Variants in CCDC82 observed in about 807,000 individuals in gnomAD.
CCDC82 encodes the protein coiled-coil domain containing 82, also known as coiled-coil domain-containing protein 82.
Under a neutral mutation model 60.6 loss-of-function variants are expected in CCDC82, and 47 were observed. The observed-to-expected ratio is 0.77, with a 90% CI of 0.61 to 0.99. The LOEUF (loss-of-function observed/expected upper bound fraction) is 0.99. CCDC82 is among the 50% of genes least tolerant of loss of function. The pLI is 0.00. For synonymous variants in CCDC82, 212 were observed against 207.4 expected, an observed-to-expected ratio of 1.02 and a Z score of -0.19; for missense variants, 588 against 633.0, an observed-to-expected ratio of 0.93 and a Z score of 0.76.
rs546523474 is a variant in CCDC82, at chr11:96,384,640, T to C, written c.108A>G (p.Gln36=). The C allele has an allele frequency of 7.4e-5, 120 of 1,613,664 alleles. No individual in the cohort carries two copies. The Middle Eastern group carries it at 1.2e-3, about 16-fold the overall frequency. ...CAAGCTCTTCATCACTATCAAGTAA[T>C]TGTGAGATACTACTTCTTTTAGTTC... ...WRRTKRSSIS[Q]LLDSDEELDS... Residue 36 remains glutamine (Q), a synonymous_variant, in exon 4 of 10, where the codon CAA becomes CAG. Coordinates refer to ENST00000646818, the MANE Select transcript of CCDC82 (RefSeq NM_024725.4).
At chr11:96,367,822 T>TTC (rs1219652066) in intron 7 of CCDC82, among the ~76,000 whole-genome samples, 1 of 143,028 alleles carries the variant, frequency 7.0e-6, no homozygotes, top group Non-Finnish European at 1.5e-5. Context: ...ATGTATTTCT[T>TTC]TTTTTTTTTT....
chr11:96,370,926 T>C lies in CCDC82; in HGVS notation c.1209+87A>G, dbSNP rs565659149. The C allele has an allele frequency of 1.7e-5, 19 of 1,149,046 alleles. No homozygotes were observed. The African/African-American group carries it at 2.5e-4, about 15-fold the overall frequency. The allele number at this position is 1,149,046 out of a possible 1,614,324, so 71.2% of individuals were successfully genotyped here. A position where few individuals can be genotyped will look rare whatever the true frequency, so the allele number is the denominator to read the frequency against. On this transcript the variant is annotated intron_variant, in intron 7 of 9. Transcript: ENST00000646818. ...ATTTAACAAAGACATGCCAATATTT[T>C]AGAAGATTATTCAGTCTGGATTTTA...
Position 96,356,837 on chromosome 11 carries a change from TC to T in CCDC82, c.1566+2155del, listed in dbSNP as rs779947614. The T allele has an allele frequency of 6.7e-5, 66 of 985,268 alleles. No homozygotes were observed. The Middle Eastern group carries it at 1.6e-3, about 23-fold the overall frequency. 61.0% of individuals were successfully genotyped at this position (985,268 alleles called of 1,614,324 possible). A position where few individuals can be genotyped will look rare whatever the true frequency, so the allele number is the denominator to read the frequency against. On this transcript the variant is annotated intron_variant, in intron 9 of 9. Transcript: ENST00000646818. Reference sequence around the variant, plus strand: ...GTCTTTGGGAAGACATGCTGAGACATCCTGAGATAATTAAAGTAAAATGGCT... The same window carrying T: ...GTCTTTGGGAAGACATGCTGAGACATCTGAGATAATTAAAGTAAAATGGCT...
At chr11:96,372,858 T>C (rs1865360378) in intron 6 of CCDC82, among the ~76,000 whole-genome samples, 3 of 151,400 alleles carry the variant, frequency 2.0e-5, no homozygotes, top group Non-Finnish European at 4.4e-5. Flanking sequence ...ACTATGAGTA[T>C]TACCATACTC....
At chr11:96,357,662 T>C (rs1388648224) in intron 9 of CCDC82, 3 of 984,636 alleles carry the variant, frequency 3.0e-6, no homozygotes, top group Non-Finnish European at 3.6e-6. Flanking sequence ...TTTCTATACC[T>C]AGTATCTAAT....
intron 6 of CCDC82, 147 bp downstream of exon 6, chr11:96,373,228 G>A (rs1865379098): frequency 5.3e-6 from 3 of 563,692 alleles, no homozygotes. Flanking sequence ...GAGTTTTGAT[G>A]TAGTTGATCC....
chr11:96,362,826 A>G (rs550445608), intron 8 of CCDC82, among the ~76,000 whole-genome samples: 1 of 152,338 alleles, frequency 6.6e-6, no homozygotes, highest in Non-Finnish European at 1.5e-5. Flanking sequence ...GAATTCCTTA[A>G]AAGTATTATT....
chr11:96,355,052 G>C (rs1864276193), intron 9 of CCDC82: 1 of 152,102 alleles, frequency 6.6e-6, no homozygotes, highest in Non-Finnish European at 1.5e-5. Context: ...AAATAGCCTA[G>C]GGACTACTTA....
At chr11:96,383,662 C>A (rs1038010209) in intron 4 of CCDC82, among the ~76,000 whole-genome samples, 189 bp from the exon 5 acceptor site, 1 of 151,616 alleles carries the variant, frequency 6.6e-6, no homozygotes, top group Non-Finnish European at 1.5e-5. Context: ...GAAGAATATA[C>A]CTTGGTTAAG....
intron 7 of CCDC82, among the ~76,000 whole-genome samples, chr11:96,368,605 G>A (rs991089823): frequency 2.6e-5 from 4 of 152,150 alleles, no homozygotes; most frequent in African/African-American, 7.2e-5. Flanking sequence ...AGTGGCTCAC[G>A]TCCGTAATCC....
At chr11:96,371,301 G>A (rs1267561585) in intron 6 of CCDC82, among the ~76,000 whole-genome samples, 164 bp from the exon 7 acceptor site, 3 of 152,172 alleles carry the variant, frequency 2.0e-5, no homozygotes, top group Non-Finnish European at 4.4e-5. Flanking sequence ...AAACAGGGTA[G>A]GCCGGGCACG....
At chr11:96,361,240 G>C (rs1864646835) in intron 8 of CCDC82, among the ~76,000 whole-genome samples, 1 of 152,134 alleles carries the variant, frequency 6.6e-6, no homozygotes, top group Non-Finnish European at 1.5e-5. Flanking sequence ...AAAGTGATTT[G>C]TATTTCTTTC....
chr11:96,386,390 C>T (rs1866196071), intron 2 of CCDC82, 97 bp from the exon 3 acceptor site: 1 of 152,148 alleles, frequency 6.6e-6, no homozygotes, highest in African/African-American at 2.4e-5. Context: ...GTTAACACCT[C>T]ATGTAAAATC....
At chr11:96,366,072 AT>A (rs1374998809) in intron 7 of CCDC82, among the ~76,000 whole-genome samples, 4 of 152,238 alleles carry the variant, frequency 2.6e-5, no homozygotes, top group Admixed American at 2.0e-4. Context: ...ACAGGCTGAA[AT>A]TCAGACTGAA....
intron 8 of CCDC82, chr11:96,359,409 G>A: frequency 2.7e-6 from 1 of 372,350 alleles, no homozygotes; most frequent in South Asian, 5.5e-5. Context: ...ACCGGTATTA[G>A]GGAGCTTACA....
intron 9 of CCDC82, chr11:96,358,705 TAAGC>T: frequency 8.5e-7 from 1 of 1,178,294 alleles, no homozygotes; most frequent in Non-Finnish European, 1.1e-6. Context: ...AATATATATG[TAAGC>T]AATACATACA....
At chr11:96,379,169 A>G (rs1423410131) in intron 5 of CCDC82, among the ~76,000 whole-genome samples, 1 of 151,956 alleles carries the variant, frequency 6.6e-6, no homozygotes, top group Non-Finnish European at 1.5e-5. Context: ...TATTCATCAC[A>G]TAGGTTACTG....
chr11:96,358,243 T>C (rs747821852), intron 9 of CCDC82: 140 of 1,054,084 alleles, frequency 1.3e-4, no homozygotes, highest in Middle Eastern at 4.3e-4. Flanking sequence ...TTCTCTCTTA[T>C]ACATTCATGT....
At chr11:96,360,401 T>C (rs1864594927) in intron 8 of CCDC82, among the ~76,000 whole-genome samples, 1 of 151,340 alleles carries the variant, frequency 6.6e-6, no homozygotes, top group South Asian at 2.1e-4. Context: ...GATTTCACCA[T>C]GTTGGCCATG....
Sources: allele counts gnomAD v4.1 joint callset (sites outside exome capture counted in the v4.1 genomes callset), GRCh38; gene constraint gnomAD v4.1.1; transcripts MANE v1.5; gene names NCBI Gene and HGNC (gene_info 2026-07-23, HGNC 2026-07-21).